FNTB: variants seen among roughly 807,000 people sequenced by gnomAD.
FNTB encodes the protein farnesyltransferase, CAAX box, subunit beta, also known as protein farnesyltransferase subunit beta.
A neutral mutation model predicts 59.4 loss-of-function variants in FNTB; 27 were observed. The observed-to-expected ratio is 0.45, with a 90% CI of 0.34 to 0.63. The LOEUF is 0.63. Ranked by LOEUF, FNTB falls within the 20% of genes least tolerant of loss-of-function variation. The pLI is 0.02. For synonymous variants in FNTB, 230 were observed against 220.7 expected (o/e 1.04, Z -0.37); for missense variants, 449 against 559.6 (o/e 0.80, Z 1.99).
chr14:65,053,157 C>T, intron 9 of FNTB, 81 bp from the exon 10 acceptor site: 2 of 1,121,508 alleles, frequency 1.8e-6, no homozygotes, highest in East Asian at 6.3e-5. Context: ...TTGACTATTC[C>T]CCCAGGTGAG....
intron 4 of FNTB, among the ~76,000 whole-genome samples, chr14:65,026,617 G>C (rs143516398): frequency 6.6e-6 from 1 of 152,120 alleles, no homozygotes; most frequent in African/African-American, 2.4e-5. Context: ...CCCAGCACTT[G>C]CAGAGGCTGC....
In FNTB at chr14:64,989,503, G is replaced by T. The variant is rs1425056129; in HGVS notation, c.144+2406G>T. ...CCTGGGCAACATAGCAAGACCCTGT[G>T]TCTATTTAAGATGAAAGCTTTTCAA... On this transcript the variant is annotated intron_variant, in intron 1 of 11. Transcript: ENST00000246166. Among the ~76,000 whole-genome samples the T allele has an allele frequency of 2.0e-3, 297 of 151,296 alleles. 2 individuals carry two copies. Among genetic ancestry groups the T allele is most frequent in the African/African-American group, 6.9e-3 (284 of 41,158 alleles).
chr14:65,004,464 C>A, intron 2 of FNTB, 151 bp downstream of exon 2: 1 of 796,570 alleles, frequency 1.3e-6, no homozygotes, highest in Non-Finnish European at 2.0e-6. Flanking sequence ...TATGCTAAGA[C>A]CCCCACTCCT....
At chr14:65,053,853 T>C (rs1018609151) in intron 10 of FNTB, among the ~76,000 whole-genome samples, 4 of 152,256 alleles carry the variant, frequency 2.6e-5, no homozygotes, top group Admixed American at 2.6e-4. Context: ...GTCCTGCTGC[T>C]CTTGGCATCC....
intron 9 of FNTB, among the ~76,000 whole-genome samples, chr14:65,052,479 T>C (rs1256120818): frequency 6.6e-6 from 1 of 152,242 alleles, no homozygotes; most frequent in African/African-American, 2.4e-5. Context: ...TATATATTTT[T>C]AATCGATTTC....
chr14:65,036,429 G>T (rs111311778), intron 7 of FNTB, among the ~76,000 whole-genome samples: 8,886 of 151,596 alleles, frequency 0.059, 759 homozygotes, highest in African/African-American at 0.19. Context: ...TAGAGACGGG[G>T]TTTTCCCATG....
rs117502965 is a variant in FNTB at position 64,988,684 on chromosome 14, G to A, written c.144+1587G>A. On this transcript the variant is annotated intron_variant, in intron 1 of 11. Coordinates refer to ENST00000246166, the MANE Select transcript of FNTB (RefSeq NM_002028.4). ...TGACCTCCAGTGATCTGCCCTCCTCGGCCTCCTAGAGTGCTGGGATTACAG... is the reference window on the plus strand; with the variant it reads ...TGACCTCCAGTGATCTGCCCTCCTCAGCCTCCTAGAGTGCTGGGATTACAG... 1.0e-3 allele frequency among the ~76,000 whole-genome samples: 155 copies of A among 152,106 alleles called. 6 individuals are homozygous for A. In the South Asian group the frequency reaches 0.021, roughly 20 times the overall value.
chr14:65,037,990 C>G (rs933958249), intron 7 of FNTB, among the ~76,000 whole-genome samples: 5 of 151,882 alleles, frequency 3.3e-5, no homozygotes, highest in African/African-American at 9.7e-5. Context: ...GTCTCAAACT[C>G]CTGACCTCAA....
In FNTB at chr14:64,987,104, T is replaced by TGGCAGGACTGGGCGAGGC; in HGVS notation, c.144+9_144+26dup. ...AGTCACGTCCATAGAACAGGTGAGG[T>TGGCAGGACTGGGCGAGGC]GGCAGGACTGGGCGAGGCGCCCGCG... On this transcript the variant is annotated splice_region_variant and intron_variant, in intron 1 of 11. Coordinates refer to ENST00000246166, the MANE Select transcript of FNTB (RefSeq NM_002028.4). The TGGCAGGACTGGGCGAGGC allele has an allele frequency of 1.9e-6, 3 of 1,613,984 alleles. No individual in the cohort carries two copies. The highest frequency in any genetic ancestry group is 2.2e-5 in the South Asian group (2 of 91,070).
chr14:65,045,995 A>AT (rs989756044), intron 9 of FNTB, among the ~76,000 whole-genome samples: 8 of 151,156 alleles, frequency 5.3e-5, no homozygotes, highest in African/African-American at 9.7e-5. Flanking sequence ...TTTTAGTATT[A>AT]TTTTTTTTTG....
At chr14:64,999,302 G>A (rs1290629391) in intron 1 of FNTB, among the ~76,000 whole-genome samples, 1 of 152,222 alleles carries the variant, frequency 6.6e-6, no homozygotes, top group Non-Finnish European at 1.5e-5. Flanking sequence ...GCCAGGCATG[G>A]TGGTGGGTGC....
intron 1 of FNTB, among the ~76,000 whole-genome samples, chr14:64,999,507 T>TG (rs1888523283): frequency 1.3e-5 from 2 of 151,918 alleles, no homozygotes; most frequent in South Asian, 4.2e-4. Flanking sequence ...GCTTAAGAGG[T>TG]GGGGGGTTAC....
At chr14:64,987,187 C>T (rs1000671066) in intron 1 of FNTB, 90 bp downstream of exon 1, 8 of 1,452,146 alleles carry the variant, frequency 5.5e-6, no homozygotes, top group Non-Finnish European at 7.6e-6. Context: ...CGGAACTCAC[C>T]GGGGAACTAC....
chr14:65,037,403 C>CTTTTTTTTTTTTTTTTTT lies in FNTB; in HGVS notation c.693-3361_693-3344dup, dbSNP rs1555335876. On this transcript the variant is annotated intron_variant, in intron 7 of 11. Coordinates refer to ENST00000246166, the MANE Select transcript of FNTB (RefSeq NM_002028.4). ...TAGGCGTGAGCCACCACGCCGGGCC[C>CTTTTTTTTTTTTTTTTTT]TTTTTTTTTTTTTTTTTTTTTTTTT... is the stretch of plus-strand genomic sequence containing the variant. Among the ~76,000 whole-genome samples, 14 of 29,646 alleles carry CTTTTTTTTTTTTTTTTTT rather than the reference C, an allele frequency of 4.7e-4. 1 individual carries two copies. Among genetic ancestry groups the CTTTTTTTTTTTTTTTTTT allele is most frequent in the Non-Finnish European group, 8.0e-4 (11 of 13,688 alleles). 19.4% of individuals were successfully genotyped at this position (29,646 alleles called of 152,430 possible).
chr14:65,016,668 C>G (rs2061779107), intron 4 of FNTB: 1 of 152,282 alleles, frequency 6.6e-6, no homozygotes, highest in Non-Finnish European at 1.5e-5. Context: ...CTCATTCATT[C>G]TGTCTTAACA....
Position 64,991,776 on chromosome 14 carries a change from G to A in FNTB, c.144+4679G>A, listed in dbSNP as rs1888208908. 1.3e-5 allele frequency among the ~76,000 whole-genome samples: 2 copies of A among 152,124 alleles called. No homozygotes were observed. The highest frequency in any genetic ancestry group is 2.1e-4 in the South Asian group (1 of 4,832). On this transcript the variant is annotated intron_variant, in intron 1 of 11. Transcript: ENST00000246166. The surrounding 1 kb of genome is among the most constrained non-coding windows in gnomAD (Gnocchi z 4.4). ...TGGGCTGTAAAAAATAGAGTTTGGG[G>A]CAGCCATTCAAGGAGGGAGAGCTGT...
At chr14:65,022,288 T>TA (rs1427833758) in intron 4 of FNTB, among the ~76,000 whole-genome samples, 1 of 151,816 alleles carries the variant, frequency 6.6e-6, no homozygotes, top group Non-Finnish European at 1.5e-5. Flanking sequence ...TTTTCTGTTT[T>TA]TTTTTTTTTA....
In FNTB at chr14:64,990,859, A is replaced by G. The variant is rs761052552; in HGVS notation, c.144+3762A>G. 6.6e-6 allele frequency among the ~76,000 whole-genome samples: 1 copy of G among 152,170 alleles called. No homozygotes were observed. Among genetic ancestry groups the G allele is most frequent in the South Asian group, 2.1e-4 (1 of 4,824 alleles). On this transcript the variant is annotated intron_variant, in intron 1 of 11. Coordinates refer to ENST00000246166, the MANE Select transcript of FNTB (RefSeq NM_002028.4). The surrounding 1 kb of genome is among the most constrained non-coding windows in gnomAD (Gnocchi z 5.2). ...CGGTGGCTTAGCTCACAGTGACGGT[A>G]GTGGAGGTAATGAGAAATGGTCAGC...
intron 8 of FNTB, among the ~76,000 whole-genome samples, chr14:65,043,828 C>CAAAAAAAAAAAAAAAAAAAA (rs749243788): frequency 1.6e-5 from 1 of 64,234 alleles, no homozygotes. Flanking sequence ...GACTCCGTCT[C>CAAAAAAAAAAAAAAAAAAAA]AAAAAAAAAA....
Sources: gnomAD v4.1 joint callset for allele counts (sites outside exome capture counted in the v4.1 genomes callset) on GRCh38, gnomAD v4.1.1 for gene constraint, Gnocchi (gnomAD v3.1) non-coding constraint, MANE v1.5 for transcripts, NCBI Gene and HGNC (gene_info 2026-07-23, HGNC 2026-07-21) for gene names.